Variants in RBFOX1 observed in about 807,000 individuals in gnomAD.
The protein encoded by RBFOX1 is RNA binding protein fox-1 homolog 1.
In RBFOX1, 8 loss-of-function variants were observed where a neutral mutation model predicts 57.7. That is an observed-to-expected ratio of 0.14 (90% CI 0.08 to 0.25). The LOEUF (loss-of-function observed/expected upper bound fraction) is 0.25. Ranked by LOEUF, RBFOX1 falls within the 10% of genes least tolerant of loss-of-function variation. RBFOX1 has a pLI of 1.00. For missense variants in RBFOX1, 611 were observed against 548.5 expected (o/e 1.11, Z -1.14); for synonymous variants, 326 against 222.4 (o/e 1.47, Z -4.15).
intron 4 of RBFOX1, among the ~76,000 whole-genome samples, chr16:6,007,262 G>T (rs2094933096): frequency 6.6e-6 from 1 of 152,188 alleles, no homozygotes; most frequent in African/African-American, 2.4e-5. Context: ...GTCATAAGAA[G>T]AAGTCAGTTT....
chr16:6,490,749 ACAGT>A, intron 2 of RBFOX1, among the ~76,000 whole-genome samples: 1 of 152,284 alleles, frequency 6.6e-6, no homozygotes, highest in East Asian at 1.9e-4. Context: ...CAGCCTGGAG[ACAGT>A]TTAGGAACTG....
At chr16:6,003,896 A>G (rs1270731742) in intron 4 of RBFOX1, among the ~76,000 whole-genome samples, 1 of 152,234 alleles carries the variant, frequency 6.6e-6, no homozygotes, top group Non-Finnish European at 1.5e-5. Flanking sequence ...TGATTTATTA[A>G]GAGAGTCCAC....
rs1290803300 is a variant in RBFOX1, at chr16:7,089,625, T to A, written c.27+37527T>A. ...GTGTCTGTGATATTATTTATGAAGT[T>A]TGTTAGCTCTTACATATGTACATAT... is the stretch of plus-strand genomic sequence containing the variant. On this transcript the variant is annotated intron_variant, in intron 4 of 15. Coordinates refer to ENST00000550418, the MANE Select transcript of RBFOX1 (RefSeq NM_018723.4). 4.6e-5 allele frequency among the ~76,000 whole-genome samples: 7 copies of A among 152,316 alleles called. No individual in the cohort carries two copies. In the East Asian group the frequency reaches 1.2e-3, roughly 25 times the overall value.
chr16:6,054,248 T>G (rs1352169001), intron 1 of RBFOX1, among the ~76,000 whole-genome samples: 1 of 152,104 alleles, frequency 6.6e-6, no homozygotes, highest in African/African-American at 2.4e-5. Flanking sequence ...ATATGTTTTT[T>G]TGGGGAGGCA....
At chr16:6,137,370 TC>T (rs1250250276) in intron 1 of RBFOX1, among the ~76,000 whole-genome samples, 2 of 152,146 alleles carry the variant, frequency 1.3e-5, no homozygotes, top group East Asian at 3.9e-4. Context: ...AGTGGCGTGA[TC>T]CCGGCTCACT....
At chr16:6,951,600 C>G (rs2080775023) in intron 3 of RBFOX1, among the ~76,000 whole-genome samples, 1 of 152,126 alleles carries the variant, frequency 6.6e-6, no homozygotes, top group South Asian at 2.1e-4. Context: ...TCTCATCTCT[C>G]CATGTGGTTT....
intron 4 of RBFOX1, among the ~76,000 whole-genome samples, chr16:5,957,338 C>T (rs1596299299): frequency 6.6e-6 from 1 of 152,248 alleles, no homozygotes; most frequent in East Asian, 1.9e-4. Context: ...CCTCAGCCTC[C>T]CGAGTAGCTG....
At chr16:6,622,315 G>C (rs1477372961) in intron 2 of RBFOX1, among the ~76,000 whole-genome samples, 1 of 152,120 alleles carries the variant, frequency 6.6e-6, no homozygotes, top group East Asian at 1.9e-4. Flanking sequence ...CTATACAGAT[G>C]TATAATTTTT....
intron 1 of RBFOX1, among the ~76,000 whole-genome samples, chr16:5,253,342 G>T (rs2062503944): frequency 6.6e-6 from 1 of 152,020 alleles, no homozygotes; most frequent in African/African-American, 2.4e-5. Context: ...AGTAGAGAGG[G>T]AGTTTCACCA....
At chr16:7,145,261 G>A (rs566775391) in intron 4 of RBFOX1, among the ~76,000 whole-genome samples, 2 of 152,274 alleles carry the variant, frequency 1.3e-5, no homozygotes, top group East Asian at 3.9e-4. Flanking sequence ...CTGGAGTGCA[G>A]TGGCGCAGTC....
intron 4 of RBFOX1, among the ~76,000 whole-genome samples, chr16:7,173,837 A>G (rs1397383104): frequency 6.6e-6 from 1 of 152,220 alleles, no homozygotes; most frequent in Non-Finnish European, 1.5e-5. Context: ...GTCCTATAAT[A>G]CTGTGACGTT....
At chr16:7,682,040 G>C (rs1008781607) in intron 14 of RBFOX1, among the ~76,000 whole-genome samples, 7 of 152,160 alleles carry the variant, frequency 4.6e-5, no homozygotes, top group African/African-American at 1.7e-4. Context: ...CAAAACGGAA[G>C]AACACCAACC....
chr16:7,356,242 C>T (rs573244887), intron 4 of RBFOX1, among the ~76,000 whole-genome samples: 28 of 152,168 alleles, frequency 1.8e-4, no homozygotes, highest in Admixed American at 3.3e-4. Context: ...CCCTGTTTTA[C>T]GGGACTTAGA....
At chr16:6,776,595 G>C (rs914132989) in intron 3 of RBFOX1, among the ~76,000 whole-genome samples, 2 of 152,072 alleles carry the variant, frequency 1.3e-5, no homozygotes, top group African/African-American at 2.4e-5. Flanking sequence ...TGGACATTTG[G>C]AGCCTCTCTA....
rs141860943 is a variant in RBFOX1 at position 7,544,482 on chromosome 16, G to C, written c.270+26093G>C. On this transcript the variant is annotated intron_variant, in intron 5 of 15. Transcript: ENST00000550418. ...GTGGGCCCTGAATTCAATGAGTGTTGTCCTTGTAAGAAAACCATGTCAAGA... is the reference window on the plus strand; with the variant it reads ...GTGGGCCCTGAATTCAATGAGTGTTCTCCTTGTAAGAAAACCATGTCAAGA... 2.1e-3 allele frequency among the ~76,000 whole-genome samples: 323 copies of C among 152,286 alleles called. 2 individuals carry two copies. Among genetic ancestry groups the C allele is most frequent in the African/African-American group, 7.0e-3 (293 of 41,570 alleles).
intron 4 of RBFOX1, among the ~76,000 whole-genome samples, chr16:7,272,895 CCCT>C (rs1235621169): frequency 7.3e-6 from 1 of 137,188 alleles, no homozygotes; most frequent in Non-Finnish European, 1.6e-5. Flanking sequence ...TTTCTTCCTT[CCCT>C]CCTTTCTTCC....
chr16:6,352,438 C>A (rs1405658608), intron 2 of RBFOX1, among the ~76,000 whole-genome samples: 1 of 152,078 alleles, frequency 6.6e-6, no homozygotes, highest in Non-Finnish European at 1.5e-5. Context: ...ACAATTATGA[C>A]CATCAATGAT....
In RBFOX1 at chr16:7,176,127, T is replaced by G. The variant is rs569095844; in HGVS notation, c.27+124029T>G. Among the ~76,000 whole-genome samples, 5 of 151,772 alleles carry G rather than the reference T, an allele frequency of 3.3e-5. No homozygotes were observed. The South Asian group carries it at 6.3e-4, about 19-fold the overall frequency. ...GTACTTTTAATCAAATTTTTTTTAT[T>G]GGAATCCCGGTGCTACATGCTAGGT... On this transcript the variant is annotated intron_variant, in intron 4 of 15. Coordinates refer to ENST00000550418, the MANE Select transcript of RBFOX1 (RefSeq NM_018723.4).
chr16:7,338,250 C>T (rs1217881208), intron 4 of RBFOX1, among the ~76,000 whole-genome samples: 1 of 149,776 alleles, frequency 6.7e-6, no homozygotes, highest in East Asian at 2.0e-4. Flanking sequence ...TCTATGCCTT[C>T]TTTTCTCTCT....
Sources: gnomAD v4.1 joint callset for allele counts (sites outside exome capture counted in the v4.1 genomes callset) on GRCh38, gnomAD v4.1.1 for gene constraint, MANE v1.5 for transcripts, NCBI Gene and HGNC (gene_info 2026-07-23, HGNC 2026-07-21) for gene names.